The following NBEAL2 variants were observed in gnomAD, a reference collection of about 807,000 sequenced individuals.
The protein encoded by NBEAL2 is neurobeachin-like protein 2.
A neutral mutation model predicts 299.8 loss-of-function variants in NBEAL2; 160 were observed. The observed-to-expected ratio is 0.53, with a 90% CI of 0.47 to 0.61. NBEAL2 has a LOEUF of 0.61. Among genes scored for constraint, NBEAL2 ranks in the 20% least tolerant of loss-of-function variants. The probability of loss-of-function intolerance (pLI) is 0.00; values close to 1 mark genes in which losing one functional copy is unlikely to be tolerated. For synonymous variants in NBEAL2, 1,493 were observed against 1,542.3 expected, an observed-to-expected ratio of 0.97 and a Z score of 0.75; for missense variants, 3,112 against 3,649.0, an observed-to-expected ratio of 0.85 and a Z score of 3.79.
In NBEAL2 at chr3:47,008,574, C is replaced by G; in HGVS notation, c.7933C>G (p.Pro2645Ala). The part of the protein sequence containing the change: ...SVNGKLRASL[P>A]LAEQPTALTV... ...CAATGGGAAGTTGCGGGCTTCACTG[C>G]CCCTGGCAGAGCAGCCTACAGCCCT... The change falls in exon 52 of 54, where the codon CCC becomes GCC. Residue 2645 changes from proline (P) to alanine (A), a missense_variant. By Grantham distance (27) the Pro-to-Ala change is conservative. Coordinates refer to ENST00000450053, the MANE Select transcript of NBEAL2 (RefSeq NM_015175.3). 1 of 1,613,694 alleles carries G rather than the reference C, an allele frequency of 6.2e-7. No homozygotes were observed. Among genetic ancestry groups the G allele is most frequent in the African/African-American group, 1.3e-5 (1 of 75,072 alleles).
At position 47,003,101 on chromosome 3, in the gene NBEAL2, T is replaced by G. The variant is rs1195865129; in HGVS notation, c.5584+20T>G. Reference sequence around the variant, plus strand: ...ATCTGGGTGAGGGAGTGTGCTGAGATGGGTCCACCCAACTCGATTGTCCCG... The same window carrying G: ...ATCTGGGTGAGGGAGTGTGCTGAGAGGGGTCCACCCAACTCGATTGTCCCG... On this transcript the variant is annotated intron_variant, in intron 34 of 53. Transcript: ENST00000450053. The surrounding 1 kb of genome is among the most constrained non-coding windows in gnomAD (Gnocchi z 7.0). 4.3e-6 allele frequency: 7 copies of G among 1,612,134 alleles called. No individual in the cohort carries two copies. Among genetic ancestry groups the G allele is most frequent in the Non-Finnish European group, 5.9e-6 (7 of 1,179,256 alleles).
chr3:47,001,094 C>T lies in NBEAL2; in HGVS notation c.4399C>T (p.Arg1467Trp), dbSNP rs374996552. ...GVEGSDEAAW[R>W]ERGQVFSVLT... ...GGAAGGCAGCGATGAGGCTGCCTGGCGGGAGCGTGGCCAGGTTTTCTCAGT... is the reference window on the plus strand; with the variant it reads ...GGAAGGCAGCGATGAGGCTGCCTGGTGGGAGCGTGGCCAGGTTTTCTCAGT... The change falls in exon 28 of 54, where the codon CGG (arginine) becomes TGG (tryptophan). Residue 1467 changes from arginine to tryptophan, a missense_variant. Coordinates refer to ENST00000450053, the MANE Select transcript of NBEAL2 (RefSeq NM_015175.3). The surrounding 1 kb of genome is among the most constrained non-coding windows in gnomAD (Gnocchi z 6.1). 93 of 1,612,180 alleles carry T rather than the reference C, an allele frequency of 5.8e-5. No individual in the cohort carries two copies. The highest frequency in any genetic ancestry group is 7.0e-5 in the Non-Finnish European group (82 of 1,179,396).
rs750049539 is a variant in NBEAL2 at position 46,998,785 on chromosome 3, C to T, written c.3290C>T (p.Ala1097Val). 1.1e-5 allele frequency: 17 copies of T among 1,567,044 alleles called. No homozygotes were observed. The Admixed American group carries it at 1.9e-4, about 18-fold the overall frequency. The change falls in exon 23 of 54, where the codon GCG (alanine) becomes GTG (valine). Residue 1097 changes from alanine (A) to valine (V), a missense_variant. By Grantham distance (64) the Ala-to-Val change is moderately conservative. Transcript: ENST00000450053. The stretch of plus-strand genomic sequence containing the variant: ...GTGCAGACCTCCCTCCTGGGCCTGG[C>T]GAGGGAGTTCCTGGTGCGGAGTCTC... Reference protein sequence around the residue: ...RTVQTSLLGLAREFLVRSLSA... With the variant: ...RTVQTSLLGLVREFLVRSLSA...
Position 46,991,969 on chromosome 3 carries a change from G to C in NBEAL2, c.1032+23G>C, listed in dbSNP as rs971279499. On this transcript the variant is annotated intron_variant, in intron 9 of 53. Transcript: ENST00000450053. The surrounding 1 kb of genome is among the most constrained non-coding windows in gnomAD (Gnocchi z 6.2). ...AAGGTGGGTAGGGCCCAGCCTGGGG[G>C]TGAGGGTCTGGAAGCCAGAGGCTAG... The C allele has an allele frequency of 1.3e-6, 2 of 1,567,606 alleles. No individual in the cohort carries two copies. The highest frequency in any genetic ancestry group is 1.7e-6 in the Non-Finnish European group (2 of 1,153,970).
rs776472001 is a variant in NBEAL2, at chr3:46,989,479, C to G, written c.474-32C>G. 3.8e-6 allele frequency: 6 copies of G among 1,572,256 alleles called. No homozygotes were observed. The highest frequency in any genetic ancestry group is 5.2e-6 in the Non-Finnish European group (6 of 1,159,044). On this transcript the variant is annotated intron_variant, in intron 5 of 53. Coordinates refer to ENST00000450053, the MANE Select transcript of NBEAL2 (RefSeq NM_015175.3). This position sits in a 1 kb window ranked among gnomAD's most constrained non-coding sequence, Gnocchi z 5.5. ...GGTGACGGCCAGGAGTGGTGAGAGC[C>G]GGGCTGATGTACTTGGCCTCACTGC...
chr3:46,997,822 A>G, intron 20 of NBEAL2, 128 bp downstream of exon 20: 1 of 1,333,782 alleles, frequency 7.5e-7, no homozygotes, highest in Non-Finnish European at 9.9e-7. Context: ...GTGGGGCCTG[A>G]AAGGCCGAGC....
Position 47,008,433 on chromosome 3 carries a change from G to A in NBEAL2, c.7870G>A (p.Gly2624Arg), listed in dbSNP as rs762226210. The change falls in exon 51 of 54, where the codon GGG becomes AGG. Residue 2624 changes from glycine to arginine, a missense_variant. By Grantham distance (125) the Gly-to-Arg change is moderately radical (BLOSUM62 -2). Coordinates refer to ENST00000450053, the MANE Select transcript of NBEAL2 (RefSeq NM_015175.3). The part of the protein sequence containing the change: ...VVQSSAWERP[G>R]AQVTYSLHLY... ...ACAGAGCTCAGCGTGGGAACGTCCT[G>A]GGGCCCAGGTATGGGGAAGGGGTGC... 1.1e-5 allele frequency: 18 copies of A among 1,612,098 alleles called. No individual in the cohort carries two copies. Among genetic ancestry groups the A allele is most frequent in the East Asian group, 2.2e-5 (1 of 44,842 alleles).
In NBEAL2 at chr3:46,995,988, C is replaced by T. The variant is rs758917485; in HGVS notation, c.2088C>T (p.Val696=). ...GCCGGCCCTTCAGCCAGAACCTGGT[C>T]CATGTCTACAAAGACGGCCATCTGG... ...PGRRPFSQNL[V]HVYKDGHLVK... The change falls in exon 15 of 54, where the codon GTC becomes GTT. Residue 696 remains valine (V), a synonymous_variant. Coordinates refer to ENST00000450053, the MANE Select transcript of NBEAL2 (RefSeq NM_015175.3). 1.2e-6 allele frequency: 2 copies of T among 1,612,968 alleles called. No homozygotes were observed. Among genetic ancestry groups the T allele is most frequent in the African/African-American group, 2.7e-5 (2 of 74,920 alleles).
intron 1 of NBEAL2, among the ~76,000 whole-genome samples, chr3:46,983,328 T>TTA (rs2035478143): frequency 6.6e-6 from 1 of 150,722 alleles, no homozygotes. Flanking sequence ...TTTTTTTTTT[T>TTA]AGACAGAGTC....
chr3:46,994,057 G>A (rs1353088346), intron 11 of NBEAL2, 37 bp downstream of exon 11: 3 of 1,569,674 alleles, frequency 1.9e-6, no homozygotes, highest in Non-Finnish European at 1.7e-6. Flanking sequence ...TAGGGGTGCG[G>A]GGTGGAGTTC....
chr3:46,992,545 A>G lies in NBEAL2; in HGVS notation c.1103A>G (p.Asp368Gly), dbSNP rs201676397. The change falls in exon 10 of 54, where the codon GAT (aspartate) becomes GGT (glycine). Residue 368 changes from aspartate (D) to glycine (G), a missense_variant. Around this residue, in one of 3 missense-constraint regions of NBEAL2, gnomAD observed 2,243 missense variants for 2,538.1 expected, o/e 0.88. Transcript: ENST00000450053. ...DLATRLLTEP[D>G]VQKVLDQDTD... ...GCTACCCGGTTACTGACTGAGCCCG[A>G]TGTCCAAAAGGTACCATCCTGGGGC... 2.5e-6 allele frequency: 4 copies of G among 1,598,180 alleles called. No individual in the cohort carries two copies. In the African/African-American group the frequency reaches 5.4e-5, roughly 21 times the overall value.
At chr3:46,998,437 T>C in intron 21 of NBEAL2, 26 bp from the exon 22 acceptor site, 1 of 1,598,738 alleles carries the variant, frequency 6.3e-7, no homozygotes, top group Non-Finnish European at 8.5e-7. Flanking sequence ...CCTAGTGGCC[T>C]GAGCCCTCTG....
At chr3:46,993,485 C>T (rs1245831646) in intron 10 of NBEAL2, among the ~76,000 whole-genome samples, 2 of 152,202 alleles carry the variant, frequency 1.3e-5, no homozygotes, top group Non-Finnish European at 1.5e-5. Context: ...TTAAAGGTCT[C>T]GAAGGTTCTT....
rs775214034 is a variant in NBEAL2 at position 46,999,106 on chromosome 3, C to T, written c.3532C>T (p.Arg1178Ter). 4 of 1,581,466 alleles carry T rather than the reference C, an allele frequency of 2.5e-6. No individual in the cohort carries two copies. Among genetic ancestry groups the T allele is most frequent in the Non-Finnish European group, 2.6e-6 (3 of 1,164,122 alleles). The change falls in exon 24 of 54, where the codon CGA (arginine) becomes TGA (stop). Residue 1178 changes from arginine to a stop codon, truncating the protein, a stop_gained. Coordinates refer to ENST00000450053, the MANE Select transcript of NBEAL2 (RefSeq NM_015175.3). LOFTEE classifies it high-confidence loss of function. ...AGGGTCACTGCCCCTGCTGCCCGAT[C>T]GAGTCTGCAAGGTACACCCAGCCCA... is the stretch of plus-strand genomic sequence containing the variant. ...RPGSLPLLPD[R>*]VCKILRRLQQ...
intron 1 of NBEAL2, chr3:46,981,934 C>T (rs1476664215): frequency 2.0e-5 from 3 of 152,316 alleles, no homozygotes; most frequent in Admixed American, 1.3e-4. Flanking sequence ...CTCCTCACCT[C>T]GCAGGGCAGG....
intron 45 of NBEAL2, 91 bp downstream of exon 45, chr3:47,006,540 T>G: frequency 8.1e-7 from 1 of 1,229,234 alleles, no homozygotes; most frequent in South Asian, 1.3e-5. Flanking sequence ...ATGGGAATCC[T>G]AATCAAGGTC....
chr3:46,987,191 C>T (rs535271680), intron 1 of NBEAL2, among the ~76,000 whole-genome samples: 6 of 152,362 alleles, frequency 3.9e-5, no homozygotes, highest in African/African-American at 1.2e-4. Flanking sequence ...CCATTCAGGC[C>T]TTGCCCGTGG....
chr3:47,000,225 A>G lies in NBEAL2; in HGVS notation c.4126A>G (p.Ser1376Gly), dbSNP rs369363563. The change falls in exon 27 of 54, where the codon AGC (serine) becomes GGC (glycine). Residue 1376 changes from serine (S) to glycine (G), a missense_variant. Ser to Gly is a moderately conservative substitution (Grantham distance 56). Around this residue, in one of 3 missense-constraint regions of NBEAL2, gnomAD observed 2,243 missense variants for 2,538.1 expected, o/e 0.88. Transcript: ENST00000450053. The surrounding 1 kb of genome is among the most constrained non-coding windows in gnomAD (Gnocchi z 4.5). ...GSGNTAGGGG[S>G]SGTLTPASQP... ...AGGCAACACTGCTGGTGGTGGCGGCAGCAGTGGGACTCTTACTCCAGCCAG... is the reference window on the plus strand; with the variant it reads ...AGGCAACACTGCTGGTGGTGGCGGCGGCAGTGGGACTCTTACTCCAGCCAG... 7.6e-5 allele frequency: 122 copies of G among 1,613,594 alleles called. No homozygotes were observed. The highest frequency in any genetic ancestry group is 1.8e-4 in the Admixed American group (11 of 60,026).
At chr3:46,994,694 G>C in intron 12 of NBEAL2, 141 bp downstream of exon 12, 1 of 772,280 alleles carries the variant, frequency 1.3e-6, no homozygotes, top group South Asian at 1.8e-5. Context: ...GGCCATGTCT[G>C]TTAGTGTCAC....
Sources: allele counts gnomAD v4.1 joint callset (sites outside exome capture counted in the v4.1 genomes callset), GRCh38; gene constraint gnomAD v4.1.1; regional missense constraint gnomAD v4.1.1; non-coding constraint Gnocchi (gnomAD v3.1); transcripts MANE v1.5; gene names NCBI Gene and HGNC (gene_info 2026-07-23, HGNC 2026-07-21).